STAU1: variants seen among roughly 807,000 people sequenced by gnomAD.
STAU1 encodes double-stranded RNA-binding protein Staufen homolog 1.
Under a neutral mutation model 62.9 loss-of-function variants are expected in STAU1, and 13 were observed. The observed-to-expected ratio is 0.21, with a 90% CI of 0.13 to 0.33. The LOEUF is 0.33. Among genes scored for constraint, STAU1 ranks in the 10% least tolerant of loss-of-function variants. STAU1 has a pLI of 1.00. For synonymous variants in STAU1, 269 were observed against 265.1 expected (o/e 1.01, Z -0.14); for missense variants, 571 against 712.1 (o/e 0.80, Z 2.25).
intron 5 of STAU1, among the ~76,000 whole-genome samples, chr20:49,137,720 C>A (rs944452035): frequency 4.0e-5 from 6 of 151,858 alleles, no homozygotes; most frequent in Non-Finnish European, 7.4e-5. Context: ...GGCTGGAGTC[C>A]AATGGCATGA....
intron 4 of STAU1, 50 bp from the exon 5 acceptor site, chr20:49,151,797 A>G (rs969582501): frequency 6.6e-7 from 1 of 1,522,392 alleles, no homozygotes; most frequent in East Asian, 2.3e-5. Flanking sequence ...TTGATAAGTC[A>G]CCTATACACT....
At chr20:49,178,353 C>T (rs2093684547) in intron 1 of STAU1, among the ~76,000 whole-genome samples, 1 of 152,204 alleles carries the variant, frequency 6.6e-6, no homozygotes. Flanking sequence ...GTGGCTCAGG[C>T]CTGTAATCCC....
At chr20:49,207,889 T>A in the STAU1 span, among the ~76,000 whole-genome samples, 2 of 151,760 alleles carry the variant, frequency 1.3e-5, no homozygotes, top group Admixed American at 1.3e-4. Flanking sequence ...AATTTTATTT[T>A]ATTTATTTTG....
the STAU1 span, among the ~76,000 whole-genome samples, chr20:49,203,073 T>G: frequency 1.3e-5 from 2 of 151,708 alleles, no homozygotes; most frequent in East Asian, 3.9e-4. Context: ...GAAATTAGAA[T>G]AAGATCAAAT....
chr20:49,214,141 G>A, the STAU1 span, among the ~76,000 whole-genome samples: 2 of 152,180 alleles, frequency 1.3e-5, no homozygotes, highest in East Asian at 3.8e-4. Flanking sequence ...GAACCCAGGA[G>A]GCAGAGGTTG....
At chr20:49,135,802 A>G (rs368886761) in intron 6 of STAU1, 31 bp downstream of exon 6, 28 of 1,532,698 alleles carry the variant, frequency 1.8e-5, no homozygotes, top group Non-Finnish European at 2.5e-5. Flanking sequence ...GGATTTTAGA[A>G]TACAAAGTCC....
At chr20:49,186,658 T>C (rs1445076068) in intron 1 of STAU1, among the ~76,000 whole-genome samples, 6 of 152,100 alleles carry the variant, frequency 3.9e-5, no homozygotes, top group African/African-American at 7.2e-5. Context: ...TTTAGTAAAG[T>C]TGCTGTTCTA....
At chr20:49,132,635 T>C (rs2092775512) in intron 6 of STAU1, among the ~76,000 whole-genome samples, 1 of 152,152 alleles carries the variant, frequency 6.6e-6, no homozygotes, top group African/African-American at 2.4e-5. Context: ...GGTGTGCACC[T>C]GTAATCCCAG....
At chr20:49,160,133 CAT>C (rs749218024) in intron 3 of STAU1, among the ~76,000 whole-genome samples, 3 of 152,252 alleles carry the variant, frequency 2.0e-5, no homozygotes, top group Admixed American at 6.5e-5. Flanking sequence ...CTGTTTTACA[CAT>C]GAGGAAACAA....
chr20:49,167,630 A>G (rs755319817), intron 2 of STAU1, among the ~76,000 whole-genome samples: 19 of 152,226 alleles, frequency 1.2e-4, no homozygotes, highest in Non-Finnish European at 2.4e-4. Flanking sequence ...GTCTTAGAAG[A>G]CAAGTCGCCA....
chr20:49,199,524 C>T, the STAU1 span, among the ~76,000 whole-genome samples: 4 of 151,640 alleles, frequency 2.6e-5, no homozygotes, highest in African/African-American at 4.8e-5. Flanking sequence ...CCACCGCGCC[C>T]GGCCATGTTT....
chr20:49,126,930 G>A (rs1037412625), intron 6 of STAU1, among the ~76,000 whole-genome samples: 1 of 151,940 alleles, frequency 6.6e-6, no homozygotes, highest in African/African-American at 2.4e-5. Flanking sequence ...ATTAGACCTA[G>A]GATCACTTAA....
At chr20:49,179,377 T>C (rs1361599588) in intron 1 of STAU1, 3 of 152,212 alleles carry the variant, frequency 2.0e-5, no homozygotes, top group East Asian at 3.8e-4. Flanking sequence ...GGAAAATTAC[T>C]ATACAGAAGT....
chr20:49,208,622 C>CTT, the STAU1 span, among the ~76,000 whole-genome samples: 1 of 140,404 alleles, frequency 7.1e-6, no homozygotes, highest in Non-Finnish European at 1.6e-5. Flanking sequence ...GAGATCCTGT[C>CTT]TTTTTTTTTT....
chr20:49,158,832 G>T, intron 3 of STAU1: 1 of 768,676 alleles, frequency 1.3e-6, no homozygotes. Context: ...GGGCGCGGTG[G>T]CTCATGCCTG....
intron 2 of STAU1, among the ~76,000 whole-genome samples, chr20:49,171,747 C>T (rs930590967): frequency 2.6e-5 from 4 of 152,038 alleles, no homozygotes; most frequent in African/African-American, 9.7e-5. Flanking sequence ...TACCTGCAGG[C>T]AGGGCAGACG....
chr20:49,204,015 C>T, the STAU1 span, among the ~76,000 whole-genome samples: 2 of 152,128 alleles, frequency 1.3e-5, no homozygotes, highest in Non-Finnish European at 2.9e-5. Context: ...TATATTTATC[C>T]ATTCATTTAA....
chr20:49,164,138 G>A (rs2093491428), intron 3 of STAU1, among the ~76,000 whole-genome samples: 2 of 151,986 alleles, frequency 1.3e-5, no homozygotes, highest in South Asian at 2.1e-4. Context: ...GCTGAGGCAG[G>A]AGAATCGCTT....
chr20:49,209,562 G>A, the STAU1 span, among the ~76,000 whole-genome samples: 2 of 151,916 alleles, frequency 1.3e-5, no homozygotes, highest in Non-Finnish European at 2.9e-5. Flanking sequence ...TGACCAACAC[G>A]GTGAAACCCT....
Sources: gnomAD v4.1 joint callset for allele counts (sites outside exome capture counted in the v4.1 genomes callset) on GRCh38, gnomAD v4.1.1 for gene constraint, MANE v1.5 for transcripts, NCBI Gene and HGNC (gene_info 2026-07-23, HGNC 2026-07-21) for gene names.